Variants in RICTOR observed in about 807,000 individuals in gnomAD.
RICTOR encodes RPTOR independent companion of MTOR complex 2.
Under a neutral mutation model 214.9 loss-of-function variants are expected in RICTOR, and 49 were observed. The ratio of observed to expected loss-of-function variants is 0.23; its 90% CI spans 0.18 to 0.29. The LOEUF (loss-of-function observed/expected upper bound fraction) is 0.29, where lower values mean the gene tolerates loss of function less well. Ranked by LOEUF, RICTOR falls within the 10% of genes least tolerant of loss-of-function variation. The pLI, the probability that RICTOR is intolerant of heterozygous loss-of-function variation, is 1.00. For missense variants in RICTOR, 1,625 were observed against 2,047.0 expected (o/e 0.79, Z 3.98); for synonymous variants, 717 against 711.3 (o/e 1.01, Z -0.13).
chr5:38,964,502 A>C (rs1484287023), intron 16 of RICTOR, among the ~76,000 whole-genome samples: 1 of 151,890 alleles, frequency 6.6e-6, no homozygotes, highest in East Asian at 1.9e-4. Context: ...CATGACATAA[A>C]GGAGTCCAAA....
chr5:39,042,032 T>C (rs1289510284), intron 2 of RICTOR, among the ~76,000 whole-genome samples: 4 of 152,084 alleles, frequency 2.6e-5, no homozygotes, highest in Non-Finnish European at 4.4e-5. Flanking sequence ...GCCTGTGTTC[T>C]TAAAAAATAA....
At chr5:39,001,393 T>G (rs1031483834) in intron 5 of RICTOR, among the ~76,000 whole-genome samples, 2 of 152,028 alleles carry the variant, frequency 1.3e-5, no homozygotes, top group African/African-American at 2.4e-5. Flanking sequence ...TAAAAATGAA[T>G]CATGACTTGC....
intron 6 of RICTOR, among the ~76,000 whole-genome samples, chr5:38,993,045 G>C (rs948198707): frequency 6.6e-6 from 1 of 152,176 alleles, no homozygotes; most frequent in Non-Finnish European, 1.5e-5. Context: ...GGTAGTAGTG[G>C]TGGGTAGTTT....
Position 38,942,191 on chromosome 5 carries a change from A to C in RICTOR, c.*113T>G. The C allele has an allele frequency of 1.7e-6, 1 of 592,942 alleles. No individual in the cohort carries two copies. Among genetic ancestry groups the C allele is most frequent in the South Asian group, 3.1e-5 (1 of 32,160 alleles). 36.7% of individuals were successfully genotyped at this position (592,942 alleles called of 1,614,324 possible). A position where few individuals can be genotyped will look rare whatever the true frequency, so the allele number is the denominator to read the frequency against. The stretch of plus-strand genomic sequence containing the variant: ...TGTACCAGTAACTGCGGAACAGTGT[A>C]CAGAAGATACTCCTGTCTTTGCTGC... On this transcript the variant is annotated 3_prime_UTR_variant, in exon 38 of 38. Transcript: ENST00000357387.
intron 6 of RICTOR, among the ~76,000 whole-genome samples, chr5:38,994,965 A>G (rs1753072088): frequency 6.6e-6 from 1 of 152,224 alleles, no homozygotes; most frequent in South Asian, 2.1e-4. Flanking sequence ...TGTCCTTTTT[A>G]CTCTTATTTT....
intron 6 of RICTOR, among the ~76,000 whole-genome samples, chr5:38,991,336 T>C (rs1402979908): frequency 6.6e-6 from 1 of 152,138 alleles, no homozygotes; most frequent in Non-Finnish European, 1.5e-5. Flanking sequence ...CAAATGTTTC[T>C]GAGATTTTAA....
chr5:38,983,537 T>A (rs1478598339), intron 7 of RICTOR, among the ~76,000 whole-genome samples: 1 of 152,240 alleles, frequency 6.6e-6, no homozygotes, highest in African/African-American at 2.4e-5. Context: ...AATTCACCAT[T>A]AAGAATAGCA....
At chr5:38,978,084 T>C (rs980245418) in intron 9 of RICTOR, among the ~76,000 whole-genome samples, 2 of 152,294 alleles carry the variant, frequency 1.3e-5, no homozygotes, top group African/African-American at 4.8e-5. Flanking sequence ...GTTAAAGTTA[T>C]CTCCAAATAC....
intron 29 of RICTOR, among the ~76,000 whole-genome samples, chr5:38,952,697 G>C (rs982446946): frequency 1.3e-5 from 2 of 151,960 alleles, no homozygotes; most frequent in Non-Finnish European, 2.9e-5. Context: ...AGCTTTTCTA[G>C]TATAAATCTG....
intron 2 of RICTOR, among the ~76,000 whole-genome samples, chr5:39,073,808 T>C (rs1759507738): frequency 1.3e-5 from 2 of 152,248 alleles, no homozygotes; most frequent in South Asian, 4.1e-4. Flanking sequence ...CAAACCACTC[T>C]GCCGGAGCTC....
chr5:38,958,825 T>G lies in RICTOR; in HGVS notation c.2185A>C (p.Arg729=). 17 of 1,578,572 alleles carry G rather than the reference T, an allele frequency of 1.1e-5. No homozygotes were observed. Among genetic ancestry groups the G allele is most frequent in the Non-Finnish European group, 1.4e-5 (16 of 1,164,314 alleles). The part of the protein sequence containing the change: ...KILTAATDAC[R]LYATKHLRVL... ...CTTAAATGTTTTGTTGCATAGAGTC[T>G]GCAGGCCTATAAGGATAAATGAATA... Residue 729 remains arginine (R), a synonymous_variant, in exon 23 of 38, where the codon AGA becomes CGA. Transcript: ENST00000357387.
At position 39,024,132 on chromosome 5, in the gene RICTOR, C is replaced by T. The variant is rs76821050; in HGVS notation, c.98-2996G>A. 4.6e-3 allele frequency among the ~76,000 whole-genome samples: 694 copies of T among 152,226 alleles called. 6 individuals carry two copies. The highest frequency in any genetic ancestry group is 0.015 in the African/African-American group (615 of 41,536). ...TGTGCAGTTCACAATAGGGTTTGTG[C>T]TCCTATTAATAATCTAATGCTGCTG... On this transcript the variant is annotated intron_variant, in intron 2 of 37. Transcript: ENST00000357387.
chr5:39,056,348 A>G (rs1286908646), intron 2 of RICTOR, among the ~76,000 whole-genome samples: 2 of 152,172 alleles, frequency 1.3e-5, no homozygotes, highest in Middle Eastern at 3.2e-3. Context: ...AGAAAAAGCA[A>G]TAATGCCAGG....
chr5:39,046,996 A>G (rs1432075873), intron 2 of RICTOR, among the ~76,000 whole-genome samples: 1 of 152,152 alleles, frequency 6.6e-6, no homozygotes, highest in Admixed American at 6.5e-5. Flanking sequence ...AACACACCTC[A>G]GTCTGTATGT....
intron 3 of RICTOR, among the ~76,000 whole-genome samples, chr5:39,017,988 C>A (rs977458320): frequency 6.6e-6 from 1 of 151,948 alleles, no homozygotes. Context: ...TTTTGAGCAG[C>A]AAGGGATTAA....
At chr5:39,025,625 T>C (rs1755758093) in intron 2 of RICTOR, among the ~76,000 whole-genome samples, 1 of 152,198 alleles carries the variant, frequency 6.6e-6, no homozygotes, top group African/African-American at 2.4e-5. Context: ...GGTGACAGCA[T>C]GGTCAGGTCC....
intron 28 of RICTOR, 79 bp downstream of exon 28, chr5:38,953,382 T>C: frequency 1.7e-6 from 1 of 592,148 alleles, no homozygotes; most frequent in Middle Eastern, 3.6e-4. Flanking sequence ...AAGAAAATAT[T>C]TATCTATTTA....
At chr5:38,949,586 C>T (rs1013882409) in intron 31 of RICTOR, 126 bp downstream of exon 31, 1 of 1,049,276 alleles carries the variant, frequency 9.5e-7, no homozygotes, top group Non-Finnish European at 1.4e-6. Context: ...TTATAGCCTA[C>T]CATAGTAAAC....
At chr5:39,024,674 CCAAA>C (rs1000177386) in intron 2 of RICTOR, among the ~76,000 whole-genome samples, 2 of 152,098 alleles carry the variant, frequency 1.3e-5, no homozygotes, top group Admixed American at 6.5e-5. Context: ...TTGTCAGGCA[CCAAA>C]CAGATTAACT....
Sources: allele counts gnomAD v4.1 joint callset (sites outside exome capture counted in the v4.1 genomes callset), GRCh38; gene constraint gnomAD v4.1.1; transcripts MANE v1.5; gene names NCBI Gene and HGNC (gene_info 2026-07-23, HGNC 2026-07-21).